KAZN: variants seen among roughly 807,000 people sequenced by gnomAD.
KAZN encodes the protein kazrin, periplakin interacting protein, also known as kazrin.
Under a neutral mutation model 87.4 loss-of-function variants are expected in KAZN, and 40 were observed. The observed-to-expected ratio is 0.46, with a 90% confidence interval of 0.36 to 0.60. KAZN has a LOEUF of 0.60. KAZN is among the 20% of genes least tolerant of loss of function. The pLI is 0.00. For missense variants in KAZN, 898 were observed against 1,073.9 expected (o/e 0.84, Z 2.29); for synonymous variants, 466 against 458.3 (o/e 1.02, Z -0.22).
At chr1:13,963,660 G>A (rs370308386) in intron 1 of KAZN, among the ~76,000 whole-genome samples, 1 of 152,072 alleles carries the variant, frequency 6.6e-6, no homozygotes, top group East Asian at 1.9e-4. Flanking sequence ...ATGCATCAAA[G>A]CCTAGCTCAG....
At chr1:14,106,421 C>T (rs1160555745) in intron 1 of KAZN, among the ~76,000 whole-genome samples, 2 of 152,182 alleles carry the variant, frequency 1.3e-5, no homozygotes, top group South Asian at 2.1e-4. Context: ...TACCGTATTC[C>T]CTGTGGAACA....
intron 3 of KAZN, among the ~76,000 whole-genome samples, chr1:15,039,153 G>A (rs1022908215): frequency 1.3e-5 from 2 of 152,218 alleles, no homozygotes; most frequent in African/African-American, 2.4e-5. Flanking sequence ...TGCACCTACC[G>A]TGCACAGGCA....
At chr1:14,794,606 A>T (rs1467398411) in intron 1 of KAZN, among the ~76,000 whole-genome samples, 2 of 152,164 alleles carry the variant, frequency 1.3e-5, no homozygotes, top group East Asian at 3.9e-4. Context: ...TACTTACTTG[A>T]TGTCCCTGAT....
intron 1 of KAZN, among the ~76,000 whole-genome samples, chr1:14,102,447 T>C (rs148731885): frequency 0.019 from 2,855 of 151,634 alleles, 83 homozygotes; most frequent in South Asian, 0.067. Context: ...TTGCATCTGA[T>C]AGAAAGAACC....
At chr1:14,531,875 A>G (rs760708668) in intron 2 of KAZN, among the ~76,000 whole-genome samples, 5 of 152,134 alleles carry the variant, frequency 3.3e-5, no homozygotes, top group Non-Finnish European at 5.9e-5. Flanking sequence ...TGATTTTTCA[A>G]ACTCTGCTCA....
chr1:14,137,856 G>C (rs1205485400), intron 1 of KAZN, among the ~76,000 whole-genome samples: 1 of 151,904 alleles, frequency 6.6e-6, no homozygotes, highest in African/African-American at 2.4e-5. Context: ...TTACAGGCTT[G>C]TGCCACCACG....
At position 14,331,766 on chromosome 1, in the gene KAZN, C is replaced by T. The variant is rs921496193; in HGVS notation, c.249+151174C>T. ...ACCCCATCCCATCCCCTGCTTCCCC[C>T]TACCAGGAATAAATAACCATTTTCC... On this transcript the variant is annotated intron_variant, in intron 2 of 16. Transcript: ENST00000636203. 1.1e-3 allele frequency among the ~76,000 whole-genome samples: 170 copies of T among 152,300 alleles called. 1 individual carries two copies. The highest frequency in any genetic ancestry group is 3.8e-3 in the African/African-American group (160 of 41,568).
intron 3 of KAZN, among the ~76,000 whole-genome samples, chr1:15,038,684 C>G (rs1414408123): frequency 6.6e-6 from 1 of 152,136 alleles, no homozygotes; most frequent in East Asian, 1.9e-4. Flanking sequence ...ATGAACATGA[C>G]AAGTAACAGA....
At chr1:14,428,898 C>T (rs556843248) in intron 2 of KAZN, among the ~76,000 whole-genome samples, 1 of 151,898 alleles carries the variant, frequency 6.6e-6, no homozygotes, top group East Asian at 1.9e-4. Context: ...ACAGCCAAAC[C>T]ATATCGTTTA....
chr1:14,405,778 C>CA (rs1663801859), intron 2 of KAZN, among the ~76,000 whole-genome samples: 1 of 152,028 alleles, frequency 6.6e-6, no homozygotes, highest in Non-Finnish European at 1.5e-5. Context: ...AATTCCAGTT[C>CA]AAAGACCAGC....
At chr1:14,964,282 A>T (rs1664203035) in intron 2 of KAZN, among the ~76,000 whole-genome samples, 1 of 152,194 alleles carries the variant, frequency 6.6e-6, no homozygotes, top group South Asian at 2.1e-4. Context: ...GGACTAATAA[A>T]CAGTAGCTAC....
intron 2 of KAZN, among the ~76,000 whole-genome samples, chr1:14,421,049 G>A (rs1313859916): frequency 6.6e-6 from 1 of 152,230 alleles, no homozygotes; most frequent in African/African-American, 2.4e-5. Context: ...GAGGCGTGGA[G>A]AGCGAGAGAG....
chr1:14,733,329 T>A (rs116399187), intron 1 of KAZN, among the ~76,000 whole-genome samples: 73 of 152,278 alleles, frequency 4.8e-4, no homozygotes, highest in African/African-American at 1.7e-3. Context: ...GGCATTTATT[T>A]CAAATACACA....
intron 2 of KAZN, among the ~76,000 whole-genome samples, chr1:15,031,383 A>G (rs1250587487): frequency 6.6e-6 from 1 of 152,180 alleles, no homozygotes; most frequent in Non-Finnish European, 1.5e-5. Flanking sequence ...CCTCCTTGGT[A>G]TTCTCTCCAG....
chr1:14,573,661 AAAAG>A, intron 2 of KAZN, among the ~76,000 whole-genome samples: 1 of 152,280 alleles, frequency 6.6e-6, no homozygotes, highest in South Asian at 2.1e-4. Flanking sequence ...AATTTTTTAA[AAAAG>A]AAAGAAATAC....
chr1:13,954,272 A>G (rs1245347092), intron 1 of KAZN, among the ~76,000 whole-genome samples: 3 of 152,212 alleles, frequency 2.0e-5, no homozygotes, highest in East Asian at 1.9e-4. Context: ...CCAACAACAC[A>G]AAACCGCATC....
chr1:14,129,935 C>T (rs1293471161), intron 1 of KAZN, among the ~76,000 whole-genome samples: 1 of 152,156 alleles, frequency 6.6e-6, no homozygotes, highest in Non-Finnish European at 1.5e-5. Flanking sequence ...AAAAGCAGCC[C>T]TTGTCACATT....
At chr1:15,060,600 C>G in intron 6 of KAZN, 1 of 395,126 alleles carries the variant, frequency 2.5e-6, no homozygotes. Context: ...TGTCTGGGAC[C>G]GTGGGCTTCT....
chr1:15,035,451 A>G (rs1672166805), intron 3 of KAZN, among the ~76,000 whole-genome samples: 1 of 152,160 alleles, frequency 6.6e-6, no homozygotes, highest in African/African-American at 2.4e-5. Context: ...CTGTGGGGTG[A>G]ATAGGAGTTT....
Sources: gnomAD v4.1 joint callset for allele counts (sites outside exome capture counted in the v4.1 genomes callset) on GRCh38, gnomAD v4.1.1 for gene constraint, MANE v1.5 for transcripts, NCBI Gene and HGNC (gene_info 2026-07-23, HGNC 2026-07-21) for gene names.